Variants in POLR1B observed in about 807,000 individuals in gnomAD.
POLR1B encodes the protein RNA polymerase I subunit B, also known as DNA-directed RNA polymerase I subunit RPA2.
A neutral mutation model predicts 105.8 loss-of-function variants in POLR1B; 30 were observed. The observed-to-expected ratio is 0.28, with a 90% CI of 0.21 to 0.38. The LOEUF (loss-of-function observed/expected upper bound fraction) is 0.38, where lower values mean the gene tolerates loss of function less well. POLR1B is among the 10% of genes least tolerant of loss of function. The pLI is 1.00. For synonymous variants in POLR1B, 485 were observed against 505.1 expected (o/e 0.96, Z 0.53); for missense variants, 976 against 1,435.8 (o/e 0.68, Z 5.17).
intron 12 of POLR1B, among the ~76,000 whole-genome samples, chr2:112,570,067 G>A (rs1420812792): frequency 1.5e-5 from 2 of 135,284 alleles, no homozygotes; most frequent in African/African-American, 5.6e-5. Context: ...TTTTTTTCCC[G>A]AGATGGAGTC....
At chr2:112,558,917 CTTT>C (rs34385497) in intron 8 of POLR1B, among the ~76,000 whole-genome samples, 8 of 141,610 alleles carry the variant, frequency 5.6e-5, no homozygotes, top group African/African-American at 7.8e-5. Context: ...TGTGCCCCGC[CTTT>C]TTTTTTTTTT....
intron 6 of POLR1B, among the ~76,000 whole-genome samples, chr2:112,552,325 C>G (rs1001512994): frequency 3.3e-5 from 5 of 152,160 alleles, no homozygotes; most frequent in Admixed American, 1.3e-4. Context: ...TCTGTGTACA[C>G]AGATGTACAT....
intron 9 of POLR1B, among the ~76,000 whole-genome samples, chr2:112,563,145 C>T (rs1209971065): frequency 4.0e-5 from 6 of 151,222 alleles, no homozygotes; most frequent in African/African-American, 1.2e-4. Flanking sequence ...AGCTCTGCCT[C>T]CCGGGTTCAC....
rs1474729144 is a variant in POLR1B, at chr2:112,577,838, A to C, written c.*2109A>C. On this transcript the variant is annotated 3_prime_UTR_variant, in exon 15 of 15. Coordinates refer to ENST00000263331, the MANE Select transcript of POLR1B (RefSeq NM_019014.6). ...CAGAATGAGACCCTGTCTCAAAAAA[A>C]AAAAAAAAAAAAAAGCGGGGAGGCA... Among the ~76,000 whole-genome samples, 1 of 151,686 alleles carries C rather than the reference A, an allele frequency of 6.6e-6. No homozygotes were observed. The highest frequency in any genetic ancestry group is 1.9e-4 in the East Asian group (1 of 5,190).
chr2:112,565,383 TGA>T (rs1684224138), intron 10 of POLR1B, among the ~76,000 whole-genome samples: 1 of 152,198 alleles, frequency 6.6e-6, no homozygotes, highest in Non-Finnish European at 1.5e-5. Flanking sequence ...AGAGCAGTAT[TGA>T]GACATTGTCT....
At chr2:112,547,279 T>G in intron 2 of POLR1B, 100 bp downstream of exon 2, 1 of 1,505,714 alleles carries the variant, frequency 6.6e-7, no homozygotes, top group South Asian at 1.3e-5. Context: ...TTCTTGGTGC[T>G]ATTGTCTAAG....
chr2:112,546,642 G>A (rs1412103149), intron 1 of POLR1B, among the ~76,000 whole-genome samples: 2 of 134,972 alleles, frequency 1.5e-5, no homozygotes, highest in African/African-American at 2.8e-5. Context: ...GCTCACTGCA[G>A]GCTCTGCCTC....
At chr2:112,563,293 G>C (rs1338151728) in intron 9 of POLR1B, among the ~76,000 whole-genome samples, 1 of 151,772 alleles carries the variant, frequency 6.6e-6, no homozygotes, top group Non-Finnish European at 1.5e-5. Flanking sequence ...CTGACCTCGT[G>C]ATCTGCCCGC....
rs1405170429 is a variant in POLR1B, at chr2:112,567,837, G to T, written c.1747-130G>T. ...TAGTGATTTGCCTACTAGCTGGGGT[G>T]AGCACCCAAGGAAGTAGGGCTTTTA... On this transcript the variant is annotated intron_variant, in intron 10 of 14. Coordinates refer to ENST00000263331, the MANE Select transcript of POLR1B (RefSeq NM_019014.6). 4.2e-6 allele frequency: 3 copies of T among 705,976 alleles called. No homozygotes were observed. In the African/African-American group the frequency reaches 5.4e-5, roughly 13 times the overall value. 43.7% of individuals were successfully genotyped at this position (705,976 alleles called of 1,614,324 possible).
At chr2:112,571,828 A>G (rs1345587248) in intron 12 of POLR1B, among the ~76,000 whole-genome samples, 1 of 152,176 alleles carries the variant, frequency 6.6e-6, no homozygotes, top group African/African-American at 2.4e-5. Context: ...AAAAACCTGG[A>G]AATTCACCCA....
intron 5 of POLR1B, among the ~76,000 whole-genome samples, chr2:112,551,401 TC>T (rs148075598): frequency 1.8e-3 from 279 of 152,294 alleles, no homozygotes; most frequent in African/African-American, 6.4e-3. Flanking sequence ...ACTGTCTTCC[TC>T]CATATAGTTA....
chr2:112,572,126 C>A (rs1684626531), intron 12 of POLR1B, among the ~76,000 whole-genome samples: 1 of 152,220 alleles, frequency 6.6e-6, no homozygotes, highest in African/African-American at 2.4e-5. Context: ...GAATTAAATA[C>A]ATATTCCGCT....
rs539567647 is a variant in POLR1B, at chr2:112,573,890, G to A, written c.2525+75G>A. The A allele has an allele frequency of 9.7e-5, 149 of 1,528,298 alleles. No individual in the cohort carries two copies. In the Admixed American group the frequency reaches 1.4e-3, roughly 14 times the overall value. The allele number at this position is 1,528,298 out of a possible 1,614,324, so 94.7% of individuals were successfully genotyped here. A position where few individuals can be genotyped will look rare whatever the true frequency, so the allele number is the denominator to read the frequency against. On this transcript the variant is annotated intron_variant, in intron 14 of 14. Transcript: ENST00000263331. Reference sequence around the variant, plus strand: ...GAGACAGGGTCTCAGTGTGTCAGCCGGGCTGGAGTGCAGTGGAGTGATCTC... The same window carrying A: ...GAGACAGGGTCTCAGTGTGTCAGCCAGGCTGGAGTGCAGTGGAGTGATCTC...
intron 14 of POLR1B, 134 bp downstream of exon 14, chr2:112,573,949 C>A: frequency 9.4e-7 from 1 of 1,068,316 alleles, no homozygotes; most frequent in Non-Finnish European, 1.3e-6. Context: ...CGGGCTCAAG[C>A]AATCCTCTCG....
intron 7 of POLR1B, among the ~76,000 whole-genome samples, chr2:112,557,259 G>C (rs1308847862): frequency 6.6e-6 from 1 of 152,210 alleles, no homozygotes; most frequent in African/African-American, 2.4e-5. Flanking sequence ...ATAGTTAACT[G>C]TATTCAACCT....
chr2:112,542,816 C>T, intron 1 of POLR1B, 145 bp downstream of exon 1: 1 of 1,053,056 alleles, frequency 9.5e-7, no homozygotes, highest in South Asian at 1.6e-5. Flanking sequence ...ACATGTTAAA[C>T]AGGACGCGGT....
intron 9 of POLR1B, among the ~76,000 whole-genome samples, chr2:112,562,057 T>C (rs1684016898): frequency 6.6e-6 from 1 of 152,100 alleles, no homozygotes; most frequent in East Asian, 1.9e-4. Flanking sequence ...GTGAACAGAC[T>C]GGGCAAGGGG....
rs990260399 is a variant in POLR1B at position 112,575,915 on chromosome 2, G to A, written c.*186G>A. On this transcript the variant is annotated 3_prime_UTR_variant, in exon 15 of 15. Coordinates refer to ENST00000263331, the MANE Select transcript of POLR1B (RefSeq NM_019014.6). The surrounding 1 kb of genome is among the most constrained non-coding windows in gnomAD (Gnocchi z 5.3). ...CTCTGGTAGATTAACTATTGACAATGATTTTCTGTTATCTTTGTTCAAAAA... is the reference window on the plus strand; with the variant it reads ...CTCTGGTAGATTAACTATTGACAATAATTTTCTGTTATCTTTGTTCAAAAA... 1 of 585,252 alleles carries A rather than the reference G, an allele frequency of 1.7e-6. No homozygotes were observed. Among genetic ancestry groups the A allele is most frequent in the Admixed American group, 3.4e-5 (1 of 29,502 alleles). The allele number at this position is 585,252 out of a possible 1,614,324, so 36.3% of individuals were successfully genotyped here.
chr2:112,574,035 C>T (rs373252750), intron 14 of POLR1B, among the ~76,000 whole-genome samples: 26 of 151,920 alleles, frequency 1.7e-4, no homozygotes, highest in African/African-American at 5.6e-4. Context: ...TTAGTATAGA[C>T]GGTTTCACCA....
Sources: allele counts gnomAD v4.1 joint callset (sites outside exome capture counted in the v4.1 genomes callset), GRCh38; gene constraint gnomAD v4.1.1; non-coding constraint Gnocchi (gnomAD v3.1); transcripts MANE v1.5; gene names NCBI Gene and HGNC (gene_info 2026-07-23, HGNC 2026-07-21).